The following GALNT17 variants were observed in gnomAD, a reference collection of about 807,000 sequenced individuals.
GALNT17 encodes the protein UDP-GalNAc:polypeptide N-acetylgalactosaminyltransferase-like 3.
In GALNT17, 29 loss-of-function variants were observed where a neutral mutation model predicts 63.7. The observed-to-expected ratio is 0.46, with a 90% CI of 0.34 to 0.62. The LOEUF is 0.62. Among genes scored for constraint, GALNT17 ranks in the 20% least tolerant of loss-of-function variants. The pLI is 0.01. For missense variants in GALNT17, 603 were observed against 799.6 expected (o/e 0.75, Z 2.97); for synonymous variants, 305 against 318.3 (o/e 0.96, Z 0.45).
chr7:71,362,780 A>T (rs1792429030), intron 2 of GALNT17, among the ~76,000 whole-genome samples: 1 of 152,170 alleles, frequency 6.6e-6, no homozygotes, highest in Admixed American at 6.5e-5. Flanking sequence ...CTTCCCCGTG[A>T]GTCGTGAAGG....
In GALNT17 at chr7:71,377,113, A is replaced by AT. The variant is rs1563047608; in HGVS notation, c.423-11122_423-11121insT. Among the ~76,000 whole-genome samples the AT allele has an allele frequency of 4.5e-3, 369 of 82,042 alleles. 41 individuals carry two copies. The highest frequency in any genetic ancestry group is 0.011 in the East Asian group (31 of 2,828). 53.8% of individuals were successfully genotyped at this position (82,042 alleles called of 152,430 possible). ...AAAAAAAAAAAAATAAAAATAAAAA[A>AT]AATATATATATATATATATATATAT... On this transcript the variant is annotated intron_variant, in intron 2 of 10. Transcript: ENST00000333538.
intron 3 of GALNT17, among the ~76,000 whole-genome samples, chr7:71,400,153 C>G (rs1006052695): frequency 2.0e-5 from 3 of 151,878 alleles, no homozygotes; most frequent in African/African-American, 7.3e-5. Context: ...CTCCCCTTGT[C>G]CCCCACCCCC....
At chr7:71,323,285 C>G (rs367896243) in intron 1 of GALNT17, among the ~76,000 whole-genome samples, 1 of 152,110 alleles carries the variant, frequency 6.6e-6, no homozygotes, top group Non-Finnish European at 1.5e-5. Flanking sequence ...AGGTGGTGGA[C>G]TCTTTGTCCC....
chr7:71,324,929 G>C (rs753678269), intron 1 of GALNT17, among the ~76,000 whole-genome samples: 53 of 152,038 alleles, frequency 3.5e-4, no homozygotes, highest in Non-Finnish European at 6.5e-4. Context: ...CCAAAATGGG[G>C]CTATCTTTTC....
At chr7:71,271,618 G>C (rs1033420869) in intron 1 of GALNT17, among the ~76,000 whole-genome samples, 19 of 152,192 alleles carry the variant, frequency 1.2e-4, no homozygotes, top group Admixed American at 5.2e-4. Context: ...CACCCTTTTT[G>C]GGTGTACAGT....
intron 6 of GALNT17, among the ~76,000 whole-genome samples, chr7:71,655,900 C>T (rs753827695): frequency 3.3e-5 from 5 of 152,028 alleles, no homozygotes; most frequent in Non-Finnish European, 7.4e-5. Context: ...CTATAAGGGC[C>T]CTTGGTTGAC....
rs762921395 is a variant in GALNT17, at chr7:71,132,964, C to G, written c.162C>G (p.His54Gln). 1.6e-5 allele frequency: 26 copies of G among 1,609,658 alleles called. No individual in the cohort carries two copies. The highest frequency in any genetic ancestry group is 2.1e-5 in the Non-Finnish European group (25 of 1,179,246). ...CCGAGGTGGCCAACCTCAGCGCGCA[C>G]AGCGCCAGCCCCATCCAGGATGCGG... ...PRAEVANLSA[H>Q]SASPIQDAVL... Residue 54 changes from histidine to glutamine, a missense_variant, in exon 1 of 11, where the codon CAC becomes CAG. By Grantham distance (24) the His-to-Gln change is conservative. Around this residue, in one of 3 missense-constraint regions of GALNT17, gnomAD observed 195 missense variants for 215.0 expected, o/e 0.91. Coordinates refer to ENST00000333538, the MANE Select transcript of GALNT17 (RefSeq NM_022479.3).
At chr7:71,470,985 C>G (rs977574417) in intron 5 of GALNT17, among the ~76,000 whole-genome samples, 1 of 152,182 alleles carries the variant, frequency 6.6e-6, no homozygotes, top group Non-Finnish European at 1.5e-5. Context: ...TTATGTGTGA[C>G]CCAAATGTGA....
intron 1 of GALNT17, among the ~76,000 whole-genome samples, chr7:71,251,593 G>A (rs902018380): frequency 6.6e-6 from 1 of 151,928 alleles, no homozygotes; most frequent in South Asian, 2.1e-4. Context: ...AATTTTTTTC[G>A]TAGAGATGGG....
chr7:71,291,356 T>G (rs1159476241), intron 1 of GALNT17, among the ~76,000 whole-genome samples: 1 of 152,234 alleles, frequency 6.6e-6, no homozygotes, highest in Non-Finnish European at 1.5e-5. Flanking sequence ...CTTGTTACAT[T>G]CCTATTCTTC....
chr7:71,443,915 C>T (rs779989974), intron 5 of GALNT17, among the ~76,000 whole-genome samples: 7 of 152,088 alleles, frequency 4.6e-5, no homozygotes, highest in Admixed American at 2.6e-4. Context: ...TCAGTAGAGA[C>T]GGGGTTTCAC....
chr7:71,322,683 G>C (rs989345496), intron 1 of GALNT17, among the ~76,000 whole-genome samples: 1 of 152,116 alleles, frequency 6.6e-6, no homozygotes, highest in Non-Finnish European at 1.5e-5. Flanking sequence ...GAGGCCTTTC[G>C]GAGGTAATCA....
At chr7:71,492,228 G>A (rs969105851) in intron 5 of GALNT17, among the ~76,000 whole-genome samples, 6 of 152,236 alleles carry the variant, frequency 3.9e-5, no homozygotes, top group African/African-American at 9.6e-5. Context: ...GCAGTGAGCC[G>A]AGATCACGCC....
chr7:71,240,765 C>T lies in GALNT17; in HGVS notation c.239-94785C>T, dbSNP rs184389705. Among the ~76,000 whole-genome samples the T allele has an allele frequency of 3.2e-3, 487 of 151,770 alleles. 5 individuals are homozygous for T. The highest frequency in any genetic ancestry group is 0.011 in the African/African-American group (449 of 41,380). ...CTGCAGGCTCCGCCCCCCGGGTTCA[C>T]GCCATTCTCCTGCCTCAGCCTCCCG... On this transcript the variant is annotated intron_variant, in intron 1 of 10. Coordinates refer to ENST00000333538, the MANE Select transcript of GALNT17 (RefSeq NM_022479.3).
At chr7:71,413,617 A>C (rs188658357) in intron 3 of GALNT17, among the ~76,000 whole-genome samples, 1 of 151,658 alleles carries the variant, frequency 6.6e-6, no homozygotes, top group East Asian at 2.0e-4. Flanking sequence ...CAGGTGATGC[A>C]CCTGCCTTGG....
chr7:71,494,757 G>T (rs546192448), intron 5 of GALNT17, among the ~76,000 whole-genome samples: 1 of 152,090 alleles, frequency 6.6e-6, no homozygotes, highest in Non-Finnish European at 1.5e-5. Context: ...AAGGAAAGAG[G>T]TTTAATTGAC....
At chr7:71,682,714 T>G (rs1791286377) in intron 9 of GALNT17, among the ~76,000 whole-genome samples, 2 of 151,992 alleles carry the variant, frequency 1.3e-5, no homozygotes, top group Admixed American at 1.3e-4. Flanking sequence ...CCAGCTAATT[T>G]TTTTTAAAAA....
chr7:71,481,826 C>T (rs1787822953), intron 5 of GALNT17, among the ~76,000 whole-genome samples: 1 of 152,000 alleles, frequency 6.6e-6, no homozygotes. Context: ...TTCATTCGTA[C>T]TCCTGGGCTC....
intron 10 of GALNT17, 95 bp from the exon 11 acceptor site, chr7:71,711,923 C>A: frequency 3.0e-6 from 4 of 1,346,828 alleles, no homozygotes; most frequent in Non-Finnish European, 3.1e-6. Context: ...TTGTCATTTT[C>A]TCTCTCCTGT....
Sources: gnomAD v4.1 joint callset for allele counts (sites outside exome capture counted in the v4.1 genomes callset) on GRCh38, gnomAD v4.1.1 for gene constraint, gnomAD v4.1.1 regional missense constraint, MANE v1.5 for transcripts, NCBI Gene and HGNC (gene_info 2026-07-23, HGNC 2026-07-21) for gene names.